The following SOAT1 variants were observed in gnomAD, a reference collection of about 807,000 sequenced individuals.
SOAT1 encodes the protein acyl-coenzyme A:cholesterol acyltransferase 1.
SOAT1 carries 55 observed loss-of-function variants against 69.5 expected under a neutral mutation model. The ratio of observed to expected loss-of-function variants is 0.79; its 90% CI spans 0.64 to 0.99. The LOEUF (loss-of-function observed/expected upper bound fraction) is 0.99. Among genes scored for constraint, SOAT1 ranks in the 50% least tolerant of loss-of-function variants. The pLI is 0.00. For missense variants in SOAT1, 580 were observed against 669.3 expected, an observed-to-expected ratio of 0.87 and a Z score of 1.47; for synonymous variants, 231 against 224.7, an observed-to-expected ratio of 1.03 and a Z score of -0.25.
At chr1:179,331,726 G>A (rs1665981723) in intron 3 of SOAT1, among the ~76,000 whole-genome samples, 1 of 152,208 alleles carries the variant, frequency 6.6e-6, no homozygotes, top group African/African-American at 2.4e-5. Context: ...TTCAGTAAGA[G>A]AGAATAGAAA....
intron 1 of SOAT1, among the ~76,000 whole-genome samples, chr1:179,299,694 G>A (rs1319241738): frequency 1.3e-5 from 2 of 150,332 alleles, no homozygotes; most frequent in Non-Finnish European, 1.5e-5. Context: ...GTTTCATATG[G>A]CTTGGGTAAT....
intron 9 of SOAT1, among the ~76,000 whole-genome samples, chr1:179,343,207 A>G (rs1666400652): frequency 6.6e-6 from 1 of 151,630 alleles, no homozygotes; most frequent in African/African-American, 2.4e-5. Context: ...TATTATTTTT[A>G]ATTTATTTTT....
At chr1:179,299,092 A>G (rs544150490) in intron 1 of SOAT1, among the ~76,000 whole-genome samples, 17 of 152,294 alleles carry the variant, frequency 1.1e-4, no homozygotes, top group Non-Finnish European at 2.2e-4. Flanking sequence ...TTATAGGACA[A>G]TGTAACATGT....
At chr1:179,351,171 G>T (rs1666716733) in intron 14 of SOAT1, 146 bp from the exon 15 acceptor site, 2 of 624,682 alleles carry the variant, frequency 3.2e-6, no homozygotes, top group Non-Finnish European at 5.6e-6. Context: ...AGCCTCCCGA[G>T]TGGCTGGGAT....
At chr1:179,322,324 C>T (rs1255905156) in intron 2 of SOAT1, among the ~76,000 whole-genome samples, 1 of 151,918 alleles carries the variant, frequency 6.6e-6, no homozygotes, top group African/African-American at 2.4e-5. Flanking sequence ...TGCTGTTTCC[C>T]ATTTATTCTG....
chr1:179,338,039 C>T (rs570272292), intron 5 of SOAT1, 143 bp downstream of exon 5: 18 of 502,366 alleles, frequency 3.6e-5, no homozygotes, highest in African/African-American at 2.3e-4. Context: ...CTCTCTCTTG[C>T]TCCTTTCTGA....
intron 2 of SOAT1, among the ~76,000 whole-genome samples, chr1:179,311,115 A>G (rs373336682): frequency 4.1e-4 from 62 of 152,314 alleles, no homozygotes; most frequent in African/African-American, 1.4e-3. Flanking sequence ...CTTATAATCC[A>G]TGCACTTTGA....
In SOAT1 at chr1:179,337,843, G is replaced by A; in HGVS notation, c.336G>A (p.Leu112=). Residue 112 remains leucine (L), a synonymous_variant, in exon 5 of 16, where the codon TTG becomes TTA. Coordinates refer to ENST00000367619, the MANE Select transcript of SOAT1 (RefSeq NM_003101.6). Reference sequence around the variant, plus strand: ...TAATTTTTCCTCTTCTCAGGGATTTGAGAGCACCTCCAGAACAAGGAAAGA... The same window carrying A: ...TAATTTTTCCTCTTCTCAGGGATTTAAGAGCACCTCCAGAACAAGGAAAGA... The part of the protein sequence containing the change: ...GEKNNHRAKD[L]RAPPEQGKIF... 2 of 1,608,948 alleles carry A rather than the reference G, an allele frequency of 1.2e-6. No individual in the cohort carries two copies. Among genetic ancestry groups the A allele is most frequent in the Non-Finnish European group, 1.7e-6 (2 of 1,177,338 alleles).
chr1:179,325,252 C>A (rs2124968690), intron 3 of SOAT1, among the ~76,000 whole-genome samples: 1 of 150,772 alleles, frequency 6.6e-6, no homozygotes, highest in African/African-American at 2.4e-5. Flanking sequence ...CGGGTTCACA[C>A]CATTCTCCTG....
Position 179,342,157 on chromosome 1 carries a change from T to C in SOAT1, c.824T>C (p.Val275Ala). Residue 275 changes from valine (V) to alanine (A), a missense_variant, in exon 8 of 16, where the codon GTG (valine) becomes GCG (alanine). Val to Ala is a moderately conservative substitution (Grantham distance 64). Coordinates refer to ENST00000367619, the MANE Select transcript of SOAT1 (RefSeq NM_003101.6). Reference sequence around the variant, plus strand: ...GCCCACTCATTTGTCAGAGAGAACGTGCCTCGGGTACTAAATTCAGCTAAG... The same window carrying C: ...GCCCACTCATTTGTCAGAGAGAACGCGCCTCGGGTACTAAATTCAGCTAAG... ...MKAHSFVREN[V>A]PRVLNSAKEK... 1 of 1,613,648 alleles carries C rather than the reference T, an allele frequency of 6.2e-7. No individual in the cohort carries two copies. Among genetic ancestry groups the C allele is most frequent in the Non-Finnish European group, 8.5e-7 (1 of 1,179,700 alleles).
Position 179,358,016 on chromosome 1 carries a change from C to A in SOAT1, c.*4375C>A, listed in dbSNP as rs1463107784. ...CTAGTTGAAACAGAGTGTATCACTT[C>A]TTTCTCACCCTAAATTTAATGCCTA... is the stretch of plus-strand genomic sequence containing the variant. On this transcript the variant is annotated 3_prime_UTR_variant, in exon 16 of 16. Coordinates refer to ENST00000367619, the MANE Select transcript of SOAT1 (RefSeq NM_003101.6). 2 of 152,162 alleles carry A rather than the reference C, an allele frequency of 1.3e-5. No individual in the cohort carries two copies. The highest frequency in any genetic ancestry group is 3.8e-4 in the East Asian group (2 of 5,200). 9.4% of individuals were successfully genotyped at this position (152,162 alleles called of 1,614,324 possible). A position where few individuals can be genotyped will look rare whatever the true frequency, so the allele number is the denominator to read the frequency against.
chr1:179,345,718 GT>G (rs1421233514), intron 11 of SOAT1, among the ~76,000 whole-genome samples: 1 of 151,888 alleles, frequency 6.6e-6, no homozygotes, highest in African/African-American at 2.4e-5. Flanking sequence ...GCCTGGCTAA[GT>G]TTTTATTTTT....
chr1:179,317,448 G>T (rs1042183963), intron 2 of SOAT1, among the ~76,000 whole-genome samples: 2 of 151,300 alleles, frequency 1.3e-5, no homozygotes, highest in Non-Finnish European at 2.9e-5. Context: ...CAGGAGAATG[G>T]TGTGAACCCA....
chr1:179,320,208 C>T (rs1665547024), intron 2 of SOAT1, among the ~76,000 whole-genome samples: 1 of 152,134 alleles, frequency 6.6e-6, no homozygotes, highest in South Asian at 2.1e-4. Context: ...TTAGTTTCTA[C>T]ATATGGTGTG....
intron 3 of SOAT1, among the ~76,000 whole-genome samples, chr1:179,324,878 C>T (rs1665725627): frequency 6.6e-6 from 1 of 152,176 alleles, no homozygotes; most frequent in African/African-American, 2.4e-5. Context: ...TCTCGGCTCA[C>T]TGCAACCTCC....
chr1:179,348,969 T>G, intron 13 of SOAT1, 27 bp downstream of exon 13: 1 of 1,188,234 alleles, frequency 8.4e-7, no homozygotes, highest in Non-Finnish European at 1.3e-6. Flanking sequence ...AAGTTGATAT[T>G]ATTTATGAAA....
At chr1:179,301,892 T>C (rs1664841653) in intron 1 of SOAT1, among the ~76,000 whole-genome samples, 1 of 152,194 alleles carries the variant, frequency 6.6e-6, no homozygotes. Context: ...ATACCTTCTT[T>C]TCTGTGAAAC....
At chr1:179,326,466 A>G (rs980428005) in intron 3 of SOAT1, among the ~76,000 whole-genome samples, 13 of 151,852 alleles carry the variant, frequency 8.6e-5, no homozygotes, top group African/African-American at 3.1e-4. Context: ...AGGTGATTTG[A>G]CTTAGAAGTT....
At chr1:179,325,310 C>T (rs546599237) in intron 3 of SOAT1, among the ~76,000 whole-genome samples, 42 of 151,402 alleles carry the variant, frequency 2.8e-4, no homozygotes, top group African/African-American at 5.8e-4. Context: ...CCACCATGCC[C>T]GGCTAATTTT....
Sources: allele counts gnomAD v4.1 joint callset (sites outside exome capture counted in the v4.1 genomes callset), GRCh38; gene constraint gnomAD v4.1.1; transcripts MANE v1.5; gene names NCBI Gene and HGNC (gene_info 2026-07-23, HGNC 2026-07-21).